The following SLC26A8 variants were observed in gnomAD, a reference collection of about 807,000 sequenced individuals.
SLC26A8 encodes the protein solute carrier family 26 member 8.
SLC26A8 carries 70 observed loss-of-function variants against 105.0 expected under a neutral mutation model. The ratio of observed to expected loss-of-function variants is 0.67; its 90% CI spans 0.55 to 0.81. The LOEUF is 0.81. Among genes scored for constraint, SLC26A8 ranks in the 40% least tolerant of loss-of-function variants. The pLI, the probability that SLC26A8 is intolerant of heterozygous loss-of-function variation, is 0.00. For missense variants in SLC26A8, 998 were observed against 1,181.8 expected, an observed-to-expected ratio of 0.84 and a Z score of 2.28; for synonymous variants, 415 against 438.3, an observed-to-expected ratio of 0.95 and a Z score of 0.66.
intron 3 of SLC26A8, among the ~76,000 whole-genome samples, chr6:36,011,721 C>T (rs2127369271): frequency 6.6e-6 from 1 of 152,296 alleles, no homozygotes; most frequent in South Asian, 2.1e-4. Context: ...GATCCTCCCA[C>T]CTTGGCCTCC....
chr6:36,012,224 C>T lies in SLC26A8; in HGVS notation c.328+9G>A. ...GTCTTTGGATGAACAGGCTTCATATCTTCCTTACCTTGGGGAACTTGCACA... is the reference window on the plus strand; with the variant it reads ...GTCTTTGGATGAACAGGCTTCATATTTTCCTTACCTTGGGGAACTTGCACA... On this transcript the variant is annotated intron_variant, in intron 3 of 19. Transcript: ENST00000490799. 1 of 1,610,708 alleles carries T rather than the reference C, an allele frequency of 6.2e-7. No homozygotes were observed. Among genetic ancestry groups the T allele is most frequent in the East Asian group, 2.2e-5 (1 of 44,782 alleles).
intron 16 of SLC26A8, among the ~76,000 whole-genome samples, chr6:35,958,889 A>G (rs567162524): frequency 6.6e-6 from 1 of 152,268 alleles, no homozygotes; most frequent in South Asian, 2.1e-4. Context: ...GAAATAATGA[A>G]CACTTTGTAA....
At chr6:35,975,560 T>C (rs1429407162) in intron 9 of SLC26A8, 72 bp from the exon 10 acceptor site, 9 of 811,592 alleles carry the variant, frequency 1.1e-5, no homozygotes, top group Non-Finnish European at 1.4e-5. Flanking sequence ...TGAAGGCATA[T>C]GGTTTTTTTT....
chr6:35,987,104 T>C (rs1447240556), intron 7 of SLC26A8, among the ~76,000 whole-genome samples: 2 of 152,214 alleles, frequency 1.3e-5, no homozygotes, highest in African/African-American at 4.8e-5. Context: ...GAAAAGAATA[T>C]GCACCTCTAC....
chr6:36,013,215 T>G (rs7747610), intron 2 of SLC26A8, among the ~76,000 whole-genome samples: 66,687 of 147,862 alleles, frequency 0.45, 15,984 homozygotes, highest in African/African-American at 0.66. Context: ...TTTTTTTTTT[T>G]AGATGGAGTC....
At chr6:35,969,013 A>C in intron 10 of SLC26A8, 59 bp from the exon 11 acceptor site, 1 of 1,449,884 alleles carries the variant, frequency 6.9e-7, no homozygotes. Flanking sequence ...CCCTGTCTGC[A>C]ACTGAGGCCT....
At chr6:35,988,684 C>T (rs1025010486) in intron 7 of SLC26A8, among the ~76,000 whole-genome samples, 3 of 152,124 alleles carry the variant, frequency 2.0e-5, no homozygotes, top group East Asian at 1.9e-4. Flanking sequence ...TATTATTAGA[C>T]AGTGAGCCCT....
chr6:36,006,836 C>A (rs1035235165), intron 3 of SLC26A8, among the ~76,000 whole-genome samples: 1 of 151,912 alleles, frequency 6.6e-6, no homozygotes, highest in Non-Finnish European at 1.5e-5. Context: ...GTTCAATATT[C>A]AAAAAAATCA....
chr6:36,003,632 G>A (rs554497004), intron 3 of SLC26A8, among the ~76,000 whole-genome samples: 27 of 150,862 alleles, frequency 1.8e-4, no homozygotes, highest in African/African-American at 5.3e-4. Flanking sequence ...TTATTTTGGC[G>A]TTTATGATAA....
intron 19 of SLC26A8, among the ~76,000 whole-genome samples, chr6:35,947,322 C>A (rs1042700524): frequency 2.0e-5 from 3 of 152,142 alleles, no homozygotes; most frequent in Non-Finnish European, 4.4e-5. Context: ...TGAGCCACCA[C>A]ACTTGGCCAC....
At chr6:35,996,890 C>T (rs1761369966) in intron 5 of SLC26A8, among the ~76,000 whole-genome samples, 1 of 152,010 alleles carries the variant, frequency 6.6e-6, no homozygotes, top group Admixed American at 6.6e-5. Context: ...TAAAAATGTG[C>T]TGGGTGTGGT....
rs767868363 is a variant in SLC26A8 at position 35,977,311 on chromosome 6, T to C, written c.1066A>G (p.Lys356Glu). ...PVTPDFSLLP[K>E]IILQAFSLSL... ...AAGGAGAAGGCTTGTAAAATTATCT[T>C]GGGAAGAAGGCTGAAATCTGGTGTT... Residue 356 changes from lysine (K) to glutamate (E), a missense_variant, in exon 9 of 20, where the codon AAG becomes GAG. Physicochemically the swap from Lys to Glu is moderately conservative, Grantham distance 56. Transcript: ENST00000490799. 26 of 1,613,936 alleles carry C rather than the reference T, an allele frequency of 1.6e-5. No individual in the cohort carries two copies. The highest frequency in any genetic ancestry group is 1.6e-4 in the East Asian group (7 of 44,884).
chr6:35,952,276 G>A (rs757572772), intron 17 of SLC26A8, among the ~76,000 whole-genome samples: 11 of 152,138 alleles, frequency 7.2e-5, no homozygotes, highest in Non-Finnish European at 1.0e-4. Flanking sequence ...GCTCAGAGAC[G>A]CTCAAGTGAT....
chr6:35,973,829 C>T (rs1212380473), intron 10 of SLC26A8, among the ~76,000 whole-genome samples: 13 of 152,184 alleles, frequency 8.5e-5, no homozygotes, highest in Admixed American at 8.5e-4. Context: ...ATGGCTACAC[C>T]TTTTACTATG....
chr6:36,021,241 A>G (rs1406516711), intron 1 of SLC26A8, among the ~76,000 whole-genome samples: 1 of 152,184 alleles, frequency 6.6e-6, no homozygotes, highest in East Asian at 1.9e-4. Flanking sequence ...GGTATTTTAC[A>G]ATATATTACT....
In SLC26A8 at chr6:35,944,293, T is replaced by C; in HGVS notation, c.2520A>G (p.Gln840=). 6.2e-7 allele frequency: 1 copy of C among 1,613,982 alleles called. No homozygotes were observed. The highest frequency in any genetic ancestry group is 1.6e-4 in the Middle Eastern group (1 of 6,062). Residue 840 remains glutamine (Q), a synonymous_variant, in exon 20 of 20, where the codon CAA becomes CAG. Transcript: ENST00000490799. The part of the protein sequence containing the change: ...YKMSSSFLGS[Q]KNVSPGFIKI... Reference sequence around the variant, plus strand: ...TGATGAAGCCTGGACTTACATTTTTTTGGCTTCCTAGAAAACTGCTGCTCA... The same window carrying C: ...TGATGAAGCCTGGACTTACATTTTTCTGGCTTCCTAGAAAACTGCTGCTCA...
intron 2 of SLC26A8, among the ~76,000 whole-genome samples, chr6:36,015,815 G>T (rs758032356): frequency 9.1e-6 from 1 of 109,518 alleles, no homozygotes; most frequent in Non-Finnish European, 1.9e-5. Context: ...GGAGAGGACA[G>T]TCTGGAGCAG....
chr6:35,952,833 G>A (rs1315487137), intron 17 of SLC26A8, among the ~76,000 whole-genome samples: 1 of 151,932 alleles, frequency 6.6e-6, no homozygotes, highest in African/African-American at 2.4e-5. Context: ...GGCCAATATG[G>A]TGAAACCCCG....
intron 10 of SLC26A8, among the ~76,000 whole-genome samples, chr6:35,972,283 G>A (rs60858339): frequency 0.036 from 5,476 of 152,108 alleles, 319 homozygotes; most frequent in African/African-American, 0.12. Context: ...AGAGCCCCCA[G>A]CGGGTTGGCG....
Sources: allele counts gnomAD v4.1 joint callset (sites outside exome capture counted in the v4.1 genomes callset), GRCh38; gene constraint gnomAD v4.1.1; transcripts MANE v1.5; gene names NCBI Gene and HGNC (gene_info 2026-07-23, HGNC 2026-07-21).